The following TECR variants were observed in gnomAD, a reference collection of about 807,000 sequenced individuals.
The protein encoded by TECR is very-long-chain enoyl-CoA reductase.
In TECR, 19 loss-of-function variants were observed where a neutral mutation model predicts 50.6. That is an observed-to-expected ratio of 0.38 (90% CI 0.26 to 0.55). The LOEUF is 0.55. Ranked by LOEUF, TECR falls within the 20% of genes least tolerant of loss-of-function variation. The pLI is 0.79. For missense variants in TECR, 313 were observed against 408.3 expected, an observed-to-expected ratio of 0.77 and a Z score of 2.01; for synonymous variants, 168 against 163.5, an observed-to-expected ratio of 1.03 and a Z score of -0.21.
In TECR at chr19:14,563,369, G is replaced by GT. The variant is rs1462166647; in HGVS notation, c.118+113dup. 8 of 1,102,764 alleles carry GT rather than the reference G, an allele frequency of 7.3e-6. No individual in the cohort carries two copies. In the East Asian group the frequency reaches 2.0e-4, roughly 28 times the overall value. 68.3% of individuals were successfully genotyped at this position (1,102,764 alleles called of 1,614,324 possible). ...CCCAGGGGCCTGCAGAGATGCCCCA[G>GT]TGTGGCCCAGGCTTCTGGGGCGTGA... On this transcript the variant is annotated intron_variant, in intron 3 of 12. Transcript: ENST00000215567. The surrounding 1 kb of genome is among the most constrained non-coding windows in gnomAD (Gnocchi z 5.3).
intron 1 of TECR, among the ~76,000 whole-genome samples, chr19:14,550,002 C>A (rs2073441250): frequency 6.6e-6 from 1 of 151,750 alleles, no homozygotes; most frequent in Non-Finnish European, 1.5e-5. Flanking sequence ...CACTCCCTGT[C>A]CCCTTTCCTT....
chr19:14,537,732 T>G (rs73002843), intron 1 of TECR, among the ~76,000 whole-genome samples: 49,013 of 149,728 alleles, frequency 0.33, 8,717 homozygotes, highest in Non-Finnish European at 0.41. Context: ...AATATAGTGC[T>G]TAATTATCAG....
In TECR at chr19:14,551,311, G is replaced by C. The variant is rs568418782; in HGVS notation, c.16-11214G>C. Among the ~76,000 whole-genome samples, 4 of 150,736 alleles carry C rather than the reference G, an allele frequency of 2.7e-5. No homozygotes were observed. The South Asian group carries it at 6.4e-4, about 24-fold the overall frequency. The stretch of plus-strand genomic sequence containing the variant: ...GCTACTCTCGAACTCCTGACCTCAG[G>C]TGATCCACCCACCTCGGCCTCCCAG... On this transcript the variant is annotated intron_variant, in intron 1 of 12. Transcript: ENST00000215567.
At chr19:14,528,145 A>G (rs1040462761), upstream of TECR, among the ~76,000 whole-genome samples, 2 of 151,972 alleles carry the variant, frequency 1.3e-5, no homozygotes, top group African/African-American at 2.4e-5. Flanking sequence ...TGGCCTCCCG[A>G]AGTGCTGGGA....
chr19:14,529,507 G>A (rs1309923290), upstream of TECR: 1 of 757,796 alleles, frequency 1.3e-6, no homozygotes, highest in African/African-American at 1.7e-5. Flanking sequence ...CCGGCCCCAA[G>A]GAGCAGGGGC....
chr19:14,536,294 G>A (rs1267996475), intron 1 of TECR, among the ~76,000 whole-genome samples: 2 of 148,096 alleles, frequency 1.4e-5, no homozygotes, highest in South Asian at 4.3e-4. Flanking sequence ...TCGTGAGACA[G>A]AGTCCCCCTC....
Position 14,565,740 on chromosome 19 carries a change from G to C in TECR, c.800-4G>C. On this transcript the variant is annotated splice_region_variant and splice_polypyrimidine_tract_variant and intron_variant, in intron 12 of 12. Coordinates refer to ENST00000215567, the MANE Select transcript of TECR (RefSeq NM_138501.6). ...CCCTCCCTGACGCCCGTTCTTTCCT[G>C]CAGTGGCCCTGTTCTCCCTGGTGGG... The C allele has an allele frequency of 6.2e-7, 1 of 1,612,474 alleles. No homozygotes were observed. The highest frequency in any genetic ancestry group is 1.3e-5 in the African/African-American group (1 of 75,050).
intron 7 of TECR, chr19:14,564,567 C>A (rs1440413024): frequency 2.2e-5 from 13 of 581,234 alleles, no homozygotes; most frequent in Non-Finnish European, 3.3e-5. Flanking sequence ...CCTGCAGAGC[C>A]CCGCCCCAGT....
intron 7 of TECR, 100 bp downstream of exon 7, chr19:14,564,387 T>G: frequency 1.1e-6 from 1 of 886,218 alleles, no homozygotes; most frequent in East Asian, 3.1e-5. Flanking sequence ...TGTCTGCCAC[T>G]ACGCCCCAGC....
At chr19:14,536,945 G>C (rs1461503805) in intron 1 of TECR, among the ~76,000 whole-genome samples, 1 of 147,656 alleles carries the variant, frequency 6.8e-6, no homozygotes, top group East Asian at 2.0e-4. Flanking sequence ...TCTGGACACG[G>C]GGCAGATGTG....
intron 7 of TECR, 153 bp from the exon 8 acceptor site, chr19:14,564,633 C>A: frequency 1.3e-6 from 1 of 770,098 alleles, no homozygotes; most frequent in East Asian, 2.7e-5. Flanking sequence ...GCCCTAGCCT[C>A]ACCCCTTGGC....
In TECR at chr19:14,545,410, G is replaced by GGGCCCTCTGCACCGCTGTCTCCTCTC. The variant is rs1555732419; in HGVS notation, c.15+15699_15+15700insGGCCCTCTGCACCGCTGTCTCCTCTC. Among the ~76,000 whole-genome samples, 3 of 148,860 alleles carry GGGCCCTCTGCACCGCTGTCTCCTCTC rather than the reference G, an allele frequency of 2.0e-5. No individual in the cohort carries two copies. In the South Asian group the frequency reaches 6.4e-4, roughly 32 times the overall value. On this transcript the variant is annotated intron_variant, in intron 1 of 12. Coordinates refer to ENST00000215567, the MANE Select transcript of TECR (RefSeq NM_138501.6). ...CCCACTGTGGCCCTCTGGGCCCTCT[G>GGGCCCTCTGCACCGCTGTCTCCTCTC]CACCGCTGTCTCCTCTCCACAGCTC...
At chr19:14,551,415 G>A (rs2073500617) in intron 1 of TECR, among the ~76,000 whole-genome samples, 1 of 152,080 alleles carries the variant, frequency 6.6e-6, no homozygotes, top group African/African-American at 2.4e-5. Context: ...TTGACATGTT[G>A]CACAGGCTGC....
chr19:14,565,106 G>A lies in TECR; in HGVS notation c.647G>A (p.Arg216Gln), dbSNP rs1016800878. Residue 216 changes from arginine to glutamine, a missense_variant, in exon 10 of 13, where the codon CGG becomes CAG. Physicochemically the swap from Arg to Gln is conservative, Grantham distance 43. Transcript: ENST00000215567. ...AACTTCTCCATCCACATGGCCCTGC[G>A]GGACCTGCGGCCCGCTGGTGAGTGC... ...LGNFSIHMAL[R>Q]DLRPAGSKTR... 1.9e-6 allele frequency: 3 copies of A among 1,613,680 alleles called. No individual in the cohort carries two copies. Among genetic ancestry groups the A allele is most frequent in the Non-Finnish European group, 1.7e-6 (2 of 1,180,024 alleles).
At chr19:14,561,075 G>T (rs1238684311) in intron 1 of TECR, among the ~76,000 whole-genome samples, 1 of 152,134 alleles carries the variant, frequency 6.6e-6, no homozygotes, top group East Asian at 1.9e-4. Flanking sequence ...CTTGTCTCCC[G>T]CTGTCGTTGG....
At chr19:14,541,172 C>T (rs1037691191) in intron 1 of TECR, among the ~76,000 whole-genome samples, 1 of 151,892 alleles carries the variant, frequency 6.6e-6, no homozygotes, top group African/African-American at 2.4e-5. Context: ...GAGACGCAGT[C>T]TCACCGTGTT....
chr19:14,565,576 G>C, intron 11 of TECR, 42 bp from the exon 12 acceptor site: 13 of 1,592,540 alleles, frequency 8.2e-6, no homozygotes, highest in Non-Finnish European at 1.1e-5. Context: ...ACATACACGG[G>C]TTGCGAGGCT....
At chr19:14,544,560 T>A (rs2073237299) in intron 1 of TECR, among the ~76,000 whole-genome samples, 1 of 141,576 alleles carries the variant, frequency 7.1e-6, no homozygotes, top group African/African-American at 2.5e-5. Flanking sequence ...TAGCATATCC[T>A]TGGTGATAGT....
At chr19:14,533,589 CTG>C (rs2072754205) in intron 1 of TECR, among the ~76,000 whole-genome samples, 1 of 152,204 alleles carries the variant, frequency 6.6e-6, no homozygotes, top group South Asian at 2.1e-4. Flanking sequence ...GACGTGCTGA[CTG>C]TCACGCAACA....
Sources: gnomAD v4.1 joint callset for allele counts (sites outside exome capture counted in the v4.1 genomes callset) on GRCh38, gnomAD v4.1.1 for gene constraint, Gnocchi (gnomAD v3.1) non-coding constraint, MANE v1.5 for transcripts, NCBI Gene and HGNC (gene_info 2026-07-23, HGNC 2026-07-21) for gene names.